The following TEC variants were observed in gnomAD, a reference collection of about 807,000 sequenced individuals.
TEC encodes the protein tyrosine-protein kinase Tec.
A neutral mutation model predicts 93.0 loss-of-function variants in TEC; 72 were observed. The ratio of observed to expected loss-of-function variants is 0.77; its 90% confidence interval spans 0.64 to 0.94. The LOEUF (loss-of-function observed/expected upper bound fraction) is 0.94. TEC is among the 40% of genes least tolerant of loss of function. TEC has a pLI of 0.00. For synonymous variants in TEC, 249 were observed against 247.7 expected, an observed-to-expected ratio of 1.01 and a Z score of -0.05; for missense variants, 630 against 757.9, an observed-to-expected ratio of 0.83 and a Z score of 1.98.
At chr4:48,142,747 C>T (rs190564590) in intron 14 of TEC, among the ~76,000 whole-genome samples, 17 of 152,090 alleles carry the variant, frequency 1.1e-4, no homozygotes, top group Admixed American at 1.1e-3. Flanking sequence ...GTGGTGCGAC[C>T]TTGGCTCACT....
At chr4:48,266,952 T>C (rs1483690222) in intron 1 of TEC, among the ~76,000 whole-genome samples, 1 of 152,200 alleles carries the variant, frequency 6.6e-6, no homozygotes, top group Non-Finnish European at 1.5e-5. Flanking sequence ...AGGGAAGCTG[T>C]ACTTGCGTTG....
intron 1 of TEC, among the ~76,000 whole-genome samples, chr4:48,252,761 G>A (rs1724237760): frequency 6.6e-6 from 1 of 152,178 alleles, no homozygotes; most frequent in East Asian, 1.9e-4. Context: ...AACACTAGGA[G>A]CTGTGGGATG....
At chr4:48,181,311 T>C (rs1721573301) in intron 2 of TEC, among the ~76,000 whole-genome samples, 1 of 152,138 alleles carries the variant, frequency 6.6e-6, no homozygotes, top group Admixed American at 6.5e-5. Context: ...ATATACAGTA[T>C]ATATAGTGGC....
intron 11 of TEC, among the ~76,000 whole-genome samples, chr4:48,149,328 C>A (rs1720060076): frequency 6.6e-6 from 1 of 152,110 alleles, no homozygotes. Context: ...TTACTATATA[C>A]CACTGGAATA....
At chr4:48,150,305 T>C (rs1425046808) in intron 10 of TEC, among the ~76,000 whole-genome samples, 2 of 152,156 alleles carry the variant, frequency 1.3e-5, no homozygotes, top group Non-Finnish European at 2.9e-5. Context: ...CTCTCTCCCG[T>C]CTAGGTCCAG....
intron 2 of TEC, among the ~76,000 whole-genome samples, chr4:48,199,211 A>T (rs1467088571): frequency 6.6e-6 from 1 of 152,196 alleles, no homozygotes; most frequent in Non-Finnish European, 1.5e-5. Flanking sequence ...TCCTTTTAGG[A>T]TAAACAGCAT....
intron 2 of TEC, among the ~76,000 whole-genome samples, chr4:48,226,167 T>TG (rs1723452813): frequency 6.6e-6 from 1 of 152,190 alleles, no homozygotes; most frequent in South Asian, 2.1e-4. Flanking sequence ...AGTTAGCAAT[T>TG]GCAATATATT....
At chr4:48,267,832 G>A (rs1380169185) in intron 1 of TEC, among the ~76,000 whole-genome samples, 1 of 152,230 alleles carries the variant, frequency 6.6e-6, no homozygotes, top group Admixed American at 6.5e-5. Context: ...GAATCTGGGA[G>A]GGGTGGGGTG....
chr4:48,171,798 A>G (rs1184221280), intron 3 of TEC, among the ~76,000 whole-genome samples: 1 of 152,244 alleles, frequency 6.6e-6, no homozygotes, highest in African/African-American at 2.4e-5. Flanking sequence ...CTACTCCTTC[A>G]GCATCACTCT....
Position 48,164,806 on chromosome 4 carries a change from C to T in TEC, c.672-1039G>A, listed in dbSNP as rs150047812. On this transcript the variant is annotated intron_variant, in intron 7 of 17. Coordinates refer to ENST00000381501, the MANE Select transcript of TEC (RefSeq NM_003215.3). ...CACTTGAGGCCAGGAATTCAAGACCCGCCTGGCCAACATGGCGAAACCCTA... is the reference window on the plus strand; with the variant it reads ...CACTTGAGGCCAGGAATTCAAGACCTGCCTGGCCAACATGGCGAAACCCTA... Among the ~76,000 whole-genome samples the T allele has an allele frequency of 8.8e-4, 134 of 152,134 alleles. 1 individual carries two copies. The East Asian group carries it at 0.022, about 25-fold the overall frequency.
In TEC at chr4:48,170,236, A is replaced by G; in HGVS notation, c.454+12T>C. 6.4e-7 allele frequency: 1 copy of G among 1,574,566 alleles called. No individual in the cohort carries two copies. The highest frequency in any genetic ancestry group is 8.7e-7 in the Non-Finnish European group (1 of 1,151,488). On this transcript the variant is annotated intron_variant, in intron 5 of 17. Transcript: ENST00000381501. The stretch of plus-strand genomic sequence containing the variant: ...AAGCACAATATAATTATGGAATAAA[A>G]TGAATACTTACTGCTCTCAAAAAGA...
intron 1 of TEC, among the ~76,000 whole-genome samples, chr4:48,256,870 G>C (rs1049228015): frequency 1.3e-5 from 2 of 152,186 alleles, no homozygotes; most frequent in African/African-American, 4.8e-5. Flanking sequence ...CGGTCCTTAG[G>C]AGACAAAGAA....
chr4:48,256,221 ATG>A (rs1237942159), intron 1 of TEC, among the ~76,000 whole-genome samples: 2 of 152,126 alleles, frequency 1.3e-5, no homozygotes, highest in African/African-American at 2.4e-5. Flanking sequence ...GAACAATGCC[ATG>A]GGACCAACTA....
intron 7 of TEC, 86 bp from the exon 8 acceptor site, chr4:48,163,853 G>T: frequency 1.5e-6 from 1 of 682,330 alleles, no homozygotes; most frequent in Non-Finnish European, 2.3e-6. Flanking sequence ...TTGAAATAAA[G>T]CATGACATTG....
intron 1 of TEC, among the ~76,000 whole-genome samples, chr4:48,234,213 C>G (rs576545092): frequency 1.2e-3 from 184 of 152,302 alleles, no homozygotes; most frequent in African/African-American, 4.3e-3. Context: ...AATGAAGTGA[C>G]AGGAGAATAA....
intron 9 of TEC, 118 bp from the exon 10 acceptor site, chr4:48,151,060 A>G (rs1720144977): frequency 7.2e-6 from 5 of 693,428 alleles, no homozygotes; most frequent in Non-Finnish European, 1.1e-5. Flanking sequence ...CCAGAAAAAA[A>G]TGCTTTGAAG....
chr4:48,266,959 G>A (rs1223036280), intron 1 of TEC, among the ~76,000 whole-genome samples: 7 of 152,180 alleles, frequency 4.6e-5, no homozygotes, highest in Admixed American at 2.0e-4. Context: ...CTGTACTTGC[G>A]TTGGGGGTTG....
chr4:48,241,318 G>A (rs565621404), intron 1 of TEC, among the ~76,000 whole-genome samples: 1 of 152,026 alleles, frequency 6.6e-6, no homozygotes, highest in Non-Finnish European at 1.5e-5. Flanking sequence ...GACTAATACA[G>A]TATAGTAGAA....
chr4:48,167,409 TAG>T (rs1192135520), intron 7 of TEC, among the ~76,000 whole-genome samples: 4 of 151,898 alleles, frequency 2.6e-5, no homozygotes, highest in African/African-American at 9.7e-5. Context: ...TACGTATATA[TAG>T]AGAGAGAGAG....
Sources: allele counts gnomAD v4.1 joint callset (sites outside exome capture counted in the v4.1 genomes callset), GRCh38; gene constraint gnomAD v4.1.1; transcripts MANE v1.5; gene names NCBI Gene and HGNC (gene_info 2026-07-23, HGNC 2026-07-21).